SERPINB8: variants seen among roughly 807,000 people sequenced by gnomAD.
SERPINB8 encodes the protein serpin family B member 8, also known as serpin B8.
In SERPINB8, 25 loss-of-function variants were observed where a neutral mutation model predicts 35.3. The observed-to-expected ratio is 0.71, with a 90% confidence interval of 0.52 to 0.99. The LOEUF is 0.99. Among genes scored for constraint, SERPINB8 ranks in the 50% least tolerant of loss-of-function variants. The pLI is 0.00. For missense variants in SERPINB8, 484 were observed against 446.5 expected (o/e 1.08, Z -0.76); for synonymous variants, 186 against 160.8 (o/e 1.16, Z -1.19).
At chr18:63,986,464 C>T in intron 6 of SERPINB8, 1 of 1,391,634 alleles carries the variant, frequency 7.2e-7, no homozygotes, top group Non-Finnish European at 9.3e-7. Context: ...CCTCATTAGA[C>T]TCAGAAGCAG....
In SERPINB8 at chr18:64,011,932, T is replaced by C. The variant is rs566590444; in HGVS notation, c.*3-6978T>C. Among the ~76,000 whole-genome samples, 7 of 152,234 alleles carry C rather than the reference T, an allele frequency of 4.6e-5. No homozygotes were observed. The South Asian group carries it at 1.5e-3, about 32-fold the overall frequency. Reference sequence around the variant, plus strand: ...AACTTGCAGAAATGGTTTCAGAAGCTTGGAAGAAAATCTGAGTTAATAGTA... The same window carrying C: ...AACTTGCAGAAATGGTTTCAGAAGCCTGGAAGAAAATCTGAGTTAATAGTA... On this transcript the variant is annotated intron_variant, in intron 7 of 7. Transcript: ENST00000636430.
downstream of SERPINB8, among the ~76,000 whole-genome samples, chr18:64,006,639 C>T (rs1012960882): frequency 2.0e-5 from 3 of 152,092 alleles, no homozygotes; most frequent in East Asian, 1.9e-4. Flanking sequence ...CAGTCAGAGA[C>T]GATGGAAGTA....
At chr18:64,017,441 G>T (rs2050955645) in intron 7 of SERPINB8, among the ~76,000 whole-genome samples, 3 of 152,108 alleles carry the variant, frequency 2.0e-5, no homozygotes, top group Admixed American at 2.0e-4. Context: ...TGTGTATAGA[G>T]ATCCATAGGT....
rs1453127368 is a variant in SERPINB8 at position 63,985,201 on chromosome 18, A to G, written c.676A>G (p.Ser226Gly). 6.2e-7 allele frequency: 1 copy of G among 1,614,204 alleles called. No individual in the cohort carries two copies. The highest frequency in any genetic ancestry group is 1.1e-5 in the South Asian group (1 of 91,080). The change falls in exon 6 of 7, where the codon AGC becomes GGC. Residue 226 changes from serine to glycine, a missense_variant. By Grantham distance (56) the Ser-to-Gly change is moderately conservative. Transcript: ENST00000397985. ...LELPYVEEEL[S>G]MVILLPDDNT... ...GCTGCCCTATGTGGAAGAGGAGCTG[A>G]GCATGGTCATTCTGCTTCCCGATGA...
intron 1 of SERPINB8, among the ~76,000 whole-genome samples, chr18:63,972,597 C>G (rs1451252099): frequency 6.6e-6 from 1 of 152,166 alleles, no homozygotes; most frequent in Non-Finnish European, 1.5e-5. Context: ...ATCAACTAGT[C>G]ATTTACATTA....
At chr18:63,983,122 G>A (rs1382308358) in intron 4 of SERPINB8, among the ~76,000 whole-genome samples, 2 of 152,180 alleles carry the variant, frequency 1.3e-5, no homozygotes, top group Non-Finnish European at 2.9e-5. Context: ...AAGAAATGCT[G>A]CTGGCTAAAC....
At chr18:64,017,517 T>C (rs751905672) in intron 7 of SERPINB8, among the ~76,000 whole-genome samples, 2 of 152,202 alleles carry the variant, frequency 1.3e-5, no homozygotes, top group Non-Finnish European at 2.9e-5. Flanking sequence ...CAGTATGTTC[T>C]ACAATGCTAG....
exon 2 of SERPINB8, chr18:64,005,134 A>G (rs113205095): frequency 0.043 from 13,579 of 316,228 alleles, 407 homozygotes; most frequent in Non-Finnish European, 0.059. Flanking sequence ...CAAGACATTC[A>G]TATGAAATGC....
At chr18:63,993,139 T>A (rs1003803478), downstream of SERPINB8, among the ~76,000 whole-genome samples, 2 of 151,900 alleles carry the variant, frequency 1.3e-5, no homozygotes, top group Admixed American at 6.6e-5. Context: ...TTAGTTTTTT[T>A]AAGGTGAAAC....
In SERPINB8 at chr18:63,989,131, T is replaced by C. The variant is rs1184280023; in HGVS notation, c.*1853T>C. 1.3e-5 allele frequency: 2 copies of C among 152,248 alleles called. No homozygotes were observed. Among genetic ancestry groups the C allele is most frequent in the African/African-American group, 4.8e-5 (2 of 41,468 alleles). 9.4% of individuals were successfully genotyped at this position (152,248 alleles called of 1,614,324 possible). On this transcript the variant is annotated 3_prime_UTR_variant, in exon 7 of 7. Transcript: ENST00000397985. ...ATTTGCATTTTTAAAGAAATTTACA[T>C]ACATGGAACCATACATCATCTATGC...
intron 1 of SERPINB8, among the ~76,000 whole-genome samples, chr18:64,001,326 T>G (rs2050873200): frequency 6.6e-6 from 1 of 152,194 alleles, no homozygotes; most frequent in Non-Finnish European, 1.5e-5. Flanking sequence ...ATCACTGCAT[T>G]GCACGTATTA....
intron 1 of SERPINB8, among the ~76,000 whole-genome samples, chr18:63,975,083 A>G (rs954352667): frequency 3.3e-5 from 5 of 151,162 alleles, no homozygotes; most frequent in African/African-American, 1.2e-4. Flanking sequence ...TATTGATTCA[A>G]TAGTTCAGAC....
At chr18:64,000,469 G>A (rs1420834186) in intron 1 of SERPINB8, among the ~76,000 whole-genome samples, 4 of 152,156 alleles carry the variant, frequency 2.6e-5, no homozygotes, top group Admixed American at 2.0e-4. Flanking sequence ...TGCAATTACA[G>A]ATATTCTACT....
At chr18:64,009,030 AC>A (rs1262847359), downstream of SERPINB8, among the ~76,000 whole-genome samples, 2 of 152,238 alleles carry the variant, frequency 1.3e-5, no homozygotes, top group South Asian at 2.1e-4. Flanking sequence ...TCATTATTAT[AC>A]AAGAGCAATT....
chr18:63,986,792 T>C lies in SERPINB8; in HGVS notation c.721-82T>C, dbSNP rs1341909375. ...GAACTCACCATCTAATTGCATGTCA[T>C]TGGGGGAGGGGTAATAAATGGGTGT... On this transcript the variant is annotated intron_variant, in intron 6 of 6. Transcript: ENST00000397985. The C allele has an allele frequency of 1.4e-5, 20 of 1,404,054 alleles. No homozygotes were observed. In the Admixed American group the frequency reaches 3.8e-4, roughly 27 times the overall value. 87.0% of individuals were successfully genotyped at this position (1,404,054 alleles called of 1,614,324 possible). A position where few individuals can be genotyped will look rare whatever the true frequency, so the allele number is the denominator to read the frequency against.
intron 1 of SERPINB8, among the ~76,000 whole-genome samples, chr18:64,004,389 G>A (rs2050890362): frequency 6.6e-6 from 1 of 151,902 alleles, no homozygotes. Context: ...ATAGAGAAGA[G>A]GAAAAAAGCC....
At chr18:63,999,480 T>C (rs1427262701) in intron 1 of SERPINB8, among the ~76,000 whole-genome samples, 1 of 152,162 alleles carries the variant, frequency 6.6e-6, no homozygotes, top group Non-Finnish European at 1.5e-5. Context: ...GGTCTGTTAC[T>C]GGGCTATTTT....
chr18:63,970,125 G>T lies in SERPINB8; in HGVS notation c.-56G>T. 1 of 354,934 alleles carries T rather than the reference G, an allele frequency of 2.8e-6. No homozygotes were observed. The highest frequency in any genetic ancestry group is 3.5e-5 in the Admixed American group (1 of 28,930). The allele number at this position is 354,934 out of a possible 1,614,324, so 22.0% of individuals were successfully genotyped here. On this transcript the variant is annotated 5_prime_UTR_variant, in exon 1 of 7. Transcript: ENST00000397985. ...CATCTACAAAGGAGGAATAGTCAAA[G>T]CAGCAGCGGCGGCGGCGGCGGCGGC...
At chr18:64,017,897 T>A (rs2050958019) in intron 7 of SERPINB8, among the ~76,000 whole-genome samples, 2 of 152,202 alleles carry the variant, frequency 1.3e-5, no homozygotes, top group South Asian at 4.1e-4. Flanking sequence ...AGACAAAAAT[T>A]TTATTAGAGA....
Sources: allele counts gnomAD v4.1 joint callset (sites outside exome capture counted in the v4.1 genomes callset), GRCh38; gene constraint gnomAD v4.1.1; transcripts MANE v1.5; gene names NCBI Gene and HGNC (gene_info 2026-07-23, HGNC 2026-07-21).